Variants in KIAA1217 observed in about 807,000 individuals in gnomAD.
KIAA1217 encodes the protein KIAA1217.
A neutral mutation model predicts 163.9 loss-of-function variants in KIAA1217; 88 were observed. The observed-to-expected ratio is 0.54, with a 90% CI of 0.45 to 0.64. KIAA1217 has a LOEUF of 0.64. Among genes scored for constraint, KIAA1217 ranks in the 30% least tolerant of loss-of-function variants. The pLI is 0.00. For missense variants in KIAA1217, 2,372 were observed against 2,475.0 expected, an observed-to-expected ratio of 0.96 and a Z score of 0.88; for synonymous variants, 903 against 923.1, an observed-to-expected ratio of 0.98 and a Z score of 0.39.
intron 1 of KIAA1217, among the ~76,000 whole-genome samples, chr10:23,774,949 C>G (rs1834946997): frequency 6.6e-6 from 1 of 152,132 alleles, no homozygotes; most frequent in African/African-American, 2.4e-5. Flanking sequence ...TGCCTATACC[C>G]CATGAATGGA....
intron 1 of KIAA1217, among the ~76,000 whole-genome samples, chr10:23,842,716 A>T (rs1313724141): frequency 6.6e-6 from 1 of 152,168 alleles, no homozygotes; most frequent in Admixed American, 6.6e-5. Context: ...TTGGGGTTCA[A>T]GAAGGAATTA....
intron 1 of KIAA1217, among the ~76,000 whole-genome samples, chr10:23,962,078 G>A (rs1844841421): frequency 6.6e-6 from 1 of 152,178 alleles, no homozygotes; most frequent in African/African-American, 2.4e-5. Flanking sequence ...GAATGTTGGG[G>A]GCACTCAATT....
chr10:23,806,906 A>G (rs1222211013), intron 1 of KIAA1217, among the ~76,000 whole-genome samples: 1 of 152,218 alleles, frequency 6.6e-6, no homozygotes, highest in African/African-American at 2.4e-5. Flanking sequence ...TGTCCCAGCA[A>G]TCCTAACTCT....
intron 1 of KIAA1217, among the ~76,000 whole-genome samples, chr10:23,965,707 A>T (rs1806464): frequency 0.42 from 64,342 of 152,014 alleles, 16,776 homozygotes; most frequent in African/African-American, 0.74. Flanking sequence ...AACCCACAGC[A>T]ACACATCTTC....
chr10:23,720,767 C>T (rs905062883), intron 1 of KIAA1217, among the ~76,000 whole-genome samples: 3 of 152,014 alleles, frequency 2.0e-5, no homozygotes, highest in Non-Finnish European at 4.4e-5. Context: ...ATAGTCTGTC[C>T]TGGTATTGGA....
intron 1 of KIAA1217, among the ~76,000 whole-genome samples, chr10:23,704,159 T>C (rs1171181867): frequency 1.3e-5 from 1 of 78,918 alleles, no homozygotes; most frequent in African/African-American, 7.0e-5. Flanking sequence ...TGTGTGTGTG[T>C]GTGTGTGTGT....
chr10:24,496,658 G>A (rs1030931241), intron 8 of KIAA1217, among the ~76,000 whole-genome samples: 17 of 152,288 alleles, frequency 1.1e-4, no homozygotes, highest in Non-Finnish European at 1.9e-4. Context: ...GAGAGGTACA[G>A]TTTTTATTCT....
At chr10:24,221,010 T>C (rs7067804) in intron 2 of KIAA1217, among the ~76,000 whole-genome samples, 144,825 of 152,094 alleles carry the variant, frequency 0.95, 69,173 homozygotes, top group African/African-American at 0.99. Flanking sequence ...ATCCTCCTGC[T>C]TCTGTCTCCC....
At chr10:24,343,326 GT>G (rs1474059557) in intron 2 of KIAA1217, among the ~76,000 whole-genome samples, 1 of 152,116 alleles carries the variant, frequency 6.6e-6, no homozygotes, top group African/African-American at 2.4e-5. Context: ...AACCCAATGA[GT>G]AAAAAAAGCT....
At chr10:24,412,094 T>C (rs765037918) in intron 3 of KIAA1217, among the ~76,000 whole-genome samples, 5 of 152,112 alleles carry the variant, frequency 3.3e-5, no homozygotes, top group Non-Finnish European at 7.4e-5. Flanking sequence ...GTTTGCAGAA[T>C]TCTAAAAGAA....
At chr10:23,948,020 T>C (rs1168715857) in intron 1 of KIAA1217, among the ~76,000 whole-genome samples, 2 of 152,216 alleles carry the variant, frequency 1.3e-5, no homozygotes, top group African/African-American at 4.8e-5. Context: ...ATATGTTATC[T>C]GAGTTCTTAC....
In KIAA1217 at chr10:24,542,718, T is replaced by C. The variant is rs766148810; in HGVS notation, c.3560T>C (p.Val1187Ala). ...KKNLEFFHEDVRKSDVEYENG... is the reference protein window; with the variant it reads ...KKNLEFFHEDARKSDVEYENG... ...AATTTGGAATTTTTCCATGAAGATG[T>C]ACGGAAATCTGATGTTGAATATGAA... is the stretch of plus-strand genomic sequence containing the variant. The change falls in exon 18 of 21, where the codon GTA becomes GCA. Residue 1187 changes from valine to alanine, a missense_variant. Transcript: ENST00000376454. 23 of 1,614,064 alleles carry C rather than the reference T, an allele frequency of 1.4e-5. 1 individual carries two copies. The highest frequency in any genetic ancestry group is 1.7e-5 in the Non-Finnish European group (20 of 1,179,998).
At chr10:24,252,940 C>T (rs1006877219) in intron 2 of KIAA1217, among the ~76,000 whole-genome samples, 1 of 151,720 alleles carries the variant, frequency 6.6e-6, no homozygotes, top group African/African-American at 2.4e-5. Flanking sequence ...ATCGATTGAG[C>T]CCGGGAGTTT....
intron 1 of KIAA1217, among the ~76,000 whole-genome samples, chr10:23,735,083 T>A (rs1269414099): frequency 6.6e-6 from 1 of 152,196 alleles, no homozygotes; most frequent in Non-Finnish European, 1.5e-5. Flanking sequence ...TTTTAAATAA[T>A]GCTGTTATGA....
chr10:24,191,960 G>T (rs1204710355), intron 2 of KIAA1217, among the ~76,000 whole-genome samples: 2 of 152,146 alleles, frequency 1.3e-5, no homozygotes. Flanking sequence ...TGCCGTGTTG[G>T]TCTGGAACCC....
intron 2 of KIAA1217, among the ~76,000 whole-genome samples, chr10:24,074,513 G>A (rs2131636973): frequency 6.6e-6 from 1 of 152,200 alleles, no homozygotes; most frequent in Middle Eastern, 3.4e-3. Context: ...CCTTAAGAAT[G>A]TGTCAGTAAC....
chr10:23,993,047 T>TTTG (rs1171727455), intron 1 of KIAA1217, among the ~76,000 whole-genome samples: 6 of 149,570 alleles, frequency 4.0e-5, no homozygotes, highest in African/African-American at 4.9e-5. Flanking sequence ...TTTTTTTTTT[T>TTTG]TTGAGATGGA....
At chr10:23,866,882 G>A (rs908664855) in intron 1 of KIAA1217, among the ~76,000 whole-genome samples, 2 of 150,986 alleles carry the variant, frequency 1.3e-5, no homozygotes, top group African/African-American at 4.9e-5. Context: ...AAGTTTTAGG[G>A]TACATGTGCA....
At chr10:23,790,054 CAT>C (rs1172353966) in intron 1 of KIAA1217, among the ~76,000 whole-genome samples, 2 of 120,574 alleles carry the variant, frequency 1.7e-5, no homozygotes, top group East Asian at 2.3e-4. Context: ...TGCATATACA[CAT>C]ATACACATAT....
Sources: allele counts gnomAD v4.1 joint callset (sites outside exome capture counted in the v4.1 genomes callset), GRCh38; gene constraint gnomAD v4.1.1; transcripts MANE v1.5; gene names NCBI Gene and HGNC (gene_info 2026-07-23, HGNC 2026-07-21).